Variants in PPP2R2C observed in about 807,000 individuals in gnomAD.
PPP2R2C encodes protein phosphatase 2 regulatory subunit Bgamma.
Under a neutral mutation model 45.3 loss-of-function variants are expected in PPP2R2C, and 10 were observed. The ratio of observed to expected loss-of-function variants is 0.22; its 90% CI spans 0.14 to 0.37. The LOEUF is 0.37. PPP2R2C is among the 10% of genes least tolerant of loss of function. The pLI, the probability that PPP2R2C is intolerant of heterozygous loss-of-function variation, is 1.00. For missense variants in PPP2R2C, 308 were observed against 619.7 expected (o/e 0.50, Z 5.34); for synonymous variants, 257 against 245.4 (o/e 1.05, Z -0.44).
At chr4:6,512,254 A>ATGGTGG (rs1723625090) in intron 2 of PPP2R2C, among the ~76,000 whole-genome samples, 1 of 5,800 alleles carries the variant, frequency 1.7e-4, no homozygotes, top group Non-Finnish European at 3.4e-4. Context: ...GGTGGTGGTG[A>ATGGTGG]TGGTGGTGGT....
At chr4:6,367,075 G>T (rs1714383593) in intron 5 of PPP2R2C, among the ~76,000 whole-genome samples, 1 of 151,738 alleles carries the variant, frequency 6.6e-6, no homozygotes, top group African/African-American at 2.4e-5. Context: ...GGCTGGGAGG[G>T]CTCCTCTTCC....
At position 6,563,405 on chromosome 4, in the gene PPP2R2C, C is replaced by T. The variant is rs1725648403; in HGVS notation, c.-59+155G>A. Among the ~76,000 whole-genome samples, 1 of 152,164 alleles carries T rather than the reference C, an allele frequency of 6.6e-6. No homozygotes were observed. Among genetic ancestry groups the T allele is most frequent in the Non-Finnish European group, 1.5e-5 (1 of 68,006 alleles). The stretch of plus-strand genomic sequence containing the variant: ...GGCTCTCTGAGTCTCGCTTCTGGCC[C>T]GCGAAGACGCGCCCTCTCCTCCAGT... On this transcript the variant is annotated intron_variant, in intron 1 of 9. Coordinates refer to the PPP2R2C transcript ENST00000506140. The surrounding 1 kb of genome is among the most constrained non-coding windows in gnomAD (Gnocchi z 5.8).
chr4:6,503,549 T>C (rs899244114), intron 2 of PPP2R2C, among the ~76,000 whole-genome samples: 7 of 152,216 alleles, frequency 4.6e-5, no homozygotes, highest in African/African-American at 1.7e-4. Flanking sequence ...CTGTGAACGG[T>C]AGCCCTTGTA....
chr4:6,451,755 G>A (rs969855920), intron 1 of PPP2R2C, among the ~76,000 whole-genome samples: 1 of 152,282 alleles, frequency 6.6e-6, no homozygotes, highest in Non-Finnish European at 1.5e-5. Flanking sequence ...CCCGGCCTCA[G>A]TGCTCTGAGG....
At chr4:6,475,227 G>A (rs193202480), upstream of PPP2R2C, among the ~76,000 whole-genome samples, 5 of 150,156 alleles carry the variant, frequency 3.3e-5, no homozygotes, top group Non-Finnish European at 6.0e-5. Context: ...AGATGAAGGC[G>A]GGGATGGAGA....
intron 6 of PPP2R2C, among the ~76,000 whole-genome samples, chr4:6,342,222 G>A (rs1445422047): frequency 6.6e-6 from 1 of 150,788 alleles, no homozygotes; most frequent in Non-Finnish European, 1.5e-5. Context: ...CTCTTCAAAT[G>A]TTCATCAGCT....
intron 1 of PPP2R2C, among the ~76,000 whole-genome samples, chr4:6,453,952 G>A (rs1187117292): frequency 6.6e-6 from 1 of 152,174 alleles, no homozygotes; most frequent in Non-Finnish European, 1.5e-5. Context: ...CACACCCAGG[G>A]CCACCGGTCT....
chr4:6,338,279 G>A (rs1733151955), intron 6 of PPP2R2C, among the ~76,000 whole-genome samples: 1 of 152,180 alleles, frequency 6.6e-6, no homozygotes, highest in African/African-American at 2.4e-5. Context: ...TCTCCATCCT[G>A]TTTCTTTTTA....
At chr4:6,333,354 C>T (rs1732568515) in intron 7 of PPP2R2C, among the ~76,000 whole-genome samples, 1 of 152,228 alleles carries the variant, frequency 6.6e-6, no homozygotes, top group South Asian at 2.1e-4. Context: ...TCAGGGACAT[C>T]CAAAGCTCCC....
At chr4:6,450,207 G>T (rs866692988) in intron 1 of PPP2R2C, among the ~76,000 whole-genome samples, 2 of 117,734 alleles carry the variant, frequency 1.7e-5, no homozygotes, top group African/African-American at 3.1e-5. Flanking sequence ...GGCTTCAATT[G>T]TCTCATCTAT....
chr4:6,347,823 C>T, intron 6 of PPP2R2C, 23 bp downstream of exon 6: 1 of 1,587,368 alleles, frequency 6.3e-7, no homozygotes, highest in Non-Finnish European at 8.5e-7. Context: ...CACAGCCCCC[C>T]ACCCCCAGGC....
At chr4:6,384,938 G>A (rs1716113051) in intron 1 of PPP2R2C, 1 of 809,746 alleles carries the variant, frequency 1.2e-6, no homozygotes, top group African/African-American at 1.9e-5. Flanking sequence ...TCTGAGCCTT[G>A]GTTTCATTAT....
At chr4:6,394,307 C>T (rs1281273872) in intron 1 of PPP2R2C, among the ~76,000 whole-genome samples, 2 of 152,192 alleles carry the variant, frequency 1.3e-5, no homozygotes, top group Admixed American at 1.3e-4. Context: ...GTTTCATATT[C>T]AAGGTTGATG....
At chr4:6,470,168 G>T (rs534475429) in intron 1 of PPP2R2C, among the ~76,000 whole-genome samples, 21 of 152,346 alleles carry the variant, frequency 1.4e-4, no homozygotes, top group Admixed American at 1.3e-3. Context: ...CTGAGCCCTG[G>T]TGAGAAGACA....
chr4:6,521,796 G>A (rs1051384550), intron 2 of PPP2R2C, among the ~76,000 whole-genome samples: 5 of 152,170 alleles, frequency 3.3e-5, no homozygotes, highest in African/African-American at 1.2e-4. Context: ...CCATCCAAGA[G>A]CTAGCTATGA....
intron 1 of PPP2R2C, among the ~76,000 whole-genome samples, chr4:6,432,762 GA>G (rs1719693479): frequency 6.6e-6 from 1 of 152,076 alleles, no homozygotes; most frequent in Non-Finnish European, 1.5e-5. Context: ...AATAAGTTAG[GA>G]AAAAATCTTT....
At chr4:6,420,044 G>A (rs1017417299) in intron 1 of PPP2R2C, among the ~76,000 whole-genome samples, 1 of 152,160 alleles carries the variant, frequency 6.6e-6, no homozygotes, top group Non-Finnish European at 1.5e-5. Context: ...TTAAACGCAC[G>A]ACAGTCTGCA....
Position 6,323,281 on chromosome 4 carries a change from G to A in PPP2R2C, c.*21C>T, listed in dbSNP as rs1407695632. Reference sequence around the variant, plus strand: ...ATGACTTGCATGAGGCTGGGTGGCAGGGGCCGGGAACTGCACATACCTAGT... The same window carrying A: ...ATGACTTGCATGAGGCTGGGTGGCAAGGGCCGGGAACTGCACATACCTAGT... On this transcript the variant is annotated 3_prime_UTR_variant, in exon 9 of 9. Coordinates refer to ENST00000382599, the MANE Select transcript of PPP2R2C (RefSeq NM_020416.4). 1.3e-6 allele frequency: 2 copies of A among 1,568,346 alleles called. No homozygotes were observed. The highest frequency in any genetic ancestry group is 2.7e-5 in the African/African-American group (2 of 74,258).
chr4:6,379,190 C>T (rs146421070), intron 2 of PPP2R2C, among the ~76,000 whole-genome samples: 8 of 152,222 alleles, frequency 5.3e-5, no homozygotes, highest in Non-Finnish European at 1.0e-4. Context: ...AATCTGTCCC[C>T]GGCTTTCCTC....
Sources: allele counts gnomAD v4.1 joint callset (sites outside exome capture counted in the v4.1 genomes callset), GRCh38; gene constraint gnomAD v4.1.1; non-coding constraint Gnocchi (gnomAD v3.1); transcripts MANE v1.5; gene names NCBI Gene and HGNC (gene_info 2026-07-23, HGNC 2026-07-21).